The following FER1L5 variants were observed in gnomAD, a reference collection of about 807,000 sequenced individuals.
FER1L5 encodes fer-1-like protein 5.
FER1L5 carries 187 observed loss-of-function variants against 279.9 expected under a neutral mutation model. The observed-to-expected ratio is 0.67, with a 90% CI of 0.59 to 0.75. The LOEUF is 0.75. FER1L5 is among the 30% of genes least tolerant of loss of function. The pLI is 0.00. For missense variants in FER1L5, 2,091 were observed against 2,594.4 expected, an observed-to-expected ratio of 0.81 and a Z score of 4.21; for synonymous variants, 921 against 989.7, an observed-to-expected ratio of 0.93 and a Z score of 1.30.
intron 19 of FER1L5, among the ~76,000 whole-genome samples, chr2:96,682,599 C>G (rs2076771003): frequency 6.6e-6 from 1 of 152,236 alleles, no homozygotes; most frequent in South Asian, 2.1e-4. Context: ...TCTCTGAGGT[C>G]TGGCTAAAGT....
chr2:96,693,731 C>T lies in FER1L5; in HGVS notation c.3474+44C>T. 2.0e-6 allele frequency: 3 copies of T among 1,531,990 alleles called. No homozygotes were observed. The Admixed American group carries it at 6.2e-5, about 31-fold the overall frequency. 94.9% of individuals were successfully genotyped at this position (1,531,990 alleles called of 1,614,324 possible). A position where few individuals can be genotyped will look rare whatever the true frequency, so the allele number is the denominator to read the frequency against. ...AGCAAGGGGAAGAGGACCTACCTCA[C>T]AGAGTGGCTGAGGGGATTTATTTTA... On this transcript the variant is annotated intron_variant, in intron 32 of 52. Transcript: ENST00000624922.
In FER1L5 at chr2:96,689,335, A is replaced by T. The variant is rs1168797393; in HGVS notation, c.2484A>T (p.Gly828=). 1 of 1,550,700 alleles carries T rather than the reference A, an allele frequency of 6.4e-7. No homozygotes were observed. Among genetic ancestry groups the T allele is most frequent in the South Asian group, 1.2e-5 (1 of 83,992 alleles). ...TGACGGATTTCCAACCACCCCTGGG[A>T]TGGCACTGGCAGGACAGCTGGACAG... ...LPMTDFQPPL[G]WHWQDSWTVE... Residue 828 remains glycine (G), a synonymous_variant, in exon 25 of 53, where the codon GGA becomes GGT. Transcript: ENST00000624922. This position sits in a 1 kb window ranked among gnomAD's most constrained non-coding sequence, Gnocchi z 4.6.
chr2:96,686,131 A>G lies in FER1L5; in HGVS notation c.2073+14A>G. ...GTGCTCCCTGAGGTGGGTGCTGCAC[A>G]CACTGGCCTGCAGCAGGGCTGGGAG... On this transcript the variant is annotated intron_variant, in intron 22 of 52. Transcript: ENST00000624922. 2 of 1,548,376 alleles carry G rather than the reference A, an allele frequency of 1.3e-6. No individual in the cohort carries two copies. The highest frequency in any genetic ancestry group is 1.7e-6 in the Non-Finnish European group (2 of 1,144,738).
chr2:96,693,899 T>TC lies in FER1L5; in HGVS notation c.3475-6dup. 7 of 1,533,854 alleles carry TC rather than the reference T, an allele frequency of 4.6e-6. No homozygotes were observed. Among genetic ancestry groups the TC allele is most frequent in the Non-Finnish European group, 6.1e-6 (7 of 1,138,876 alleles). ...GCATGGCCTCCATGCTTTGTGAACT[T>TC]CCCCCCTCCAGGGCAAGGAGAGCTT... is the stretch of plus-strand genomic sequence containing the variant. On this transcript the variant is annotated splice_polypyrimidine_tract_variant and intron_variant, in intron 32 of 52. Coordinates refer to ENST00000624922, the MANE Select transcript of FER1L5 (RefSeq NM_001293083.2).
intron 34 of FER1L5, 153 bp from the exon 35 acceptor site, chr2:96,695,356 C>A: frequency 2.0e-6 from 2 of 990,238 alleles, no homozygotes; most frequent in Non-Finnish European, 1.4e-6. Flanking sequence ...TGTCCTTGTG[C>A]GCCTTCAGAC....
In FER1L5 at chr2:96,696,088, G is replaced by A. The variant is rs755257710; in HGVS notation, c.4083+11G>A. On this transcript the variant is annotated intron_variant, in intron 37 of 52. Coordinates refer to ENST00000624922, the MANE Select transcript of FER1L5 (RefSeq NM_001293083.2). ...AAGAAGCACCAAGACGTAAGTAAGG[G>A]CTGCAGGCCCACCTTCTCCCATACT... is the stretch of plus-strand genomic sequence containing the variant. The A allele has an allele frequency of 6.2e-7, 1 of 1,613,712 alleles. No homozygotes were observed. The highest frequency in any genetic ancestry group is 1.1e-5 in the South Asian group (1 of 91,056).
chr2:96,693,480 T>A, intron 31 of FER1L5, 26 bp from the exon 32 acceptor site: 1 of 1,540,970 alleles, frequency 6.5e-7, no homozygotes, highest in Non-Finnish European at 8.8e-7. Flanking sequence ...CTCAAGACAC[T>A]GCTACCTTCT....
At position 96,668,611 on chromosome 2, in the gene FER1L5, T is replaced by G. The variant is rs1036252725; in HGVS notation, c.1141-140T>G. On this transcript the variant is annotated intron_variant, in intron 14 of 52. Transcript: ENST00000624922. Reference sequence around the variant, plus strand: ...GATTCGCTTGGTTCAAAATCCAGCTTTTCTATGATGAAGTGGCTCACTGGT... The same window carrying G: ...GATTCGCTTGGTTCAAAATCCAGCTGTTCTATGATGAAGTGGCTCACTGGT... 9.2e-6 allele frequency: 9 copies of G among 978,222 alleles called. No homozygotes were observed. The African/African-American group carries it at 1.3e-4, about 14-fold the overall frequency. 60.6% of individuals were successfully genotyped at this position (978,222 alleles called of 1,614,324 possible).
chr2:96,655,750 C>G (rs1024836853), intron 9 of FER1L5, among the ~76,000 whole-genome samples: 2 of 152,128 alleles, frequency 1.3e-5, no homozygotes, highest in African/African-American at 4.8e-5. Context: ...TGCTTTGTCA[C>G]CCAGGCTGGA....
chr2:96,647,719 G>A, intron 3 of FER1L5, 59 bp from the exon 4 acceptor site: 1 of 1,266,080 alleles, frequency 7.9e-7, no homozygotes, highest in South Asian at 1.3e-5. Context: ...CTGCCCGGGA[G>A]AGAAGAGGAC....
At chr2:96,659,578 G>A (rs988978052) in intron 9 of FER1L5, among the ~76,000 whole-genome samples, 15 of 148,260 alleles carry the variant, frequency 1.0e-4, no homozygotes, top group Admixed American at 1.4e-4. Context: ...TGCAAGTTCC[G>A]CCTCCCGGGT....
chr2:96,668,735 C>T lies in FER1L5; in HGVS notation c.1141-16C>T. 6.4e-7 allele frequency: 1 copy of T among 1,551,508 alleles called. No homozygotes were observed. The highest frequency in any genetic ancestry group is 1.2e-5 in the South Asian group (1 of 84,054). ...CCCAATGTGTACCCACCGCACCTCT[C>T]TCCTTCCCTCCACAGCTACCCTGCC... On this transcript the variant is annotated splice_polypyrimidine_tract_variant and intron_variant, in intron 14 of 52. Coordinates refer to ENST00000624922, the MANE Select transcript of FER1L5 (RefSeq NM_001293083.2).
At chr2:96,675,797 A>AT (rs1180848497) in intron 19 of FER1L5, among the ~76,000 whole-genome samples, 1 of 152,120 alleles carries the variant, frequency 6.6e-6, no homozygotes, top group Non-Finnish European at 1.5e-5. Flanking sequence ...CGCCCAGCTA[A>AT]TTTTTCATAC....
rs2075133643 is a variant in FER1L5 at position 96,646,455 on chromosome 2, T to G, written c.138+2T>G. ...GGGAATGATCCCGTGTGGAATGAGG[T>G]AGACAACAGGGCAAGCCCAGAAGAG... On this transcript the variant is annotated splice_donor_variant, in intron 2 of 52. Transcript: ENST00000624922. LOFTEE classifies it high-confidence loss of function. 1.9e-6 allele frequency: 3 copies of G among 1,551,538 alleles called. No individual in the cohort carries two copies. The highest frequency in any genetic ancestry group is 2.6e-6 in the Non-Finnish European group (3 of 1,146,874).
chr2:96,704,168 G>A (rs368967696), intron 51 of FER1L5, 47 bp from the exon 52 acceptor site: 21 of 1,604,762 alleles, frequency 1.3e-5, no homozygotes, highest in Non-Finnish European at 1.8e-5. Flanking sequence ...TACTTGACCT[G>A]AAGGTTCTCC....
chr2:96,668,940 G>C lies in FER1L5; in HGVS notation c.1239G>C (p.Gln413His). ...GGACTGCCAGCCTGTCCCTCAACCA[G>C]ATCTCGTCCACCGGAGAAGAGATAG... ...EIGTASLSLN[Q>H]ISSTGEEIEG... The change falls in exon 16 of 53, where the codon CAG becomes CAC. Residue 413 changes from glutamine (Q) to histidine (H), a missense_variant. Transcript: ENST00000624922. The C allele has an allele frequency of 1.3e-6, 2 of 1,551,590 alleles. No homozygotes were observed. Among genetic ancestry groups the C allele is most frequent in the East Asian group, 2.4e-5 (1 of 40,910 alleles).
In FER1L5 at chr2:96,693,494, C is replaced by A; in HGVS notation, c.3293-12C>A. 2 of 1,548,302 alleles carry A rather than the reference C, an allele frequency of 1.3e-6. No homozygotes were observed. The highest frequency in any genetic ancestry group is 1.7e-6 in the Non-Finnish European group (2 of 1,145,034). Reference sequence around the variant, plus strand: ...GCTCAAGACACTGCTACCTTCTCCTCTACCCCTCCAGGGCCCTTCATTCGG... The same window carrying A: ...GCTCAAGACACTGCTACCTTCTCCTATACCCCTCCAGGGCCCTTCATTCGG... On this transcript the variant is annotated splice_polypyrimidine_tract_variant and intron_variant, in intron 31 of 52. Transcript: ENST00000624922.
chr2:96,655,063 C>T (rs1229005653), intron 9 of FER1L5, among the ~76,000 whole-genome samples: 3 of 152,010 alleles, frequency 2.0e-5, no homozygotes, highest in Non-Finnish European at 4.4e-5. Context: ...GTATATATAA[C>T]GTTTATGAAA....
intron 31 of FER1L5, 121 bp downstream of exon 31, chr2:96,692,302 C>T (rs192222626): frequency 2.0e-4 from 205 of 1,042,838 alleles, no homozygotes; most frequent in Non-Finnish European, 2.6e-4. Context: ...CCCTGCCTGT[C>T]GGCCCCTCAC....
Sources: allele counts gnomAD v4.1 joint callset (sites outside exome capture counted in the v4.1 genomes callset), GRCh38; gene constraint gnomAD v4.1.1; non-coding constraint Gnocchi (gnomAD v3.1); transcripts MANE v1.5; gene names NCBI Gene and HGNC (gene_info 2026-07-23, HGNC 2026-07-21).